Variants in ENTHD1 observed in about 807,000 individuals in gnomAD.
The protein encoded by ENTHD1 is ENTH domain-containing protein 1.
A neutral mutation model predicts 39.1 loss-of-function variants in ENTHD1; 23 were observed. The observed-to-expected ratio is 0.59, with a 90% CI of 0.42 to 0.83. The LOEUF (loss-of-function observed/expected upper bound fraction) is 0.83, where lower values mean the gene tolerates loss of function less well. ENTHD1 is among the 40% of genes least tolerant of loss of function. The pLI is 0.00. For missense variants in ENTHD1, 624 were observed against 705.4 expected (o/e 0.88, Z 1.31); for synonymous variants, 230 against 258.2 (o/e 0.89, Z 1.05).
chr22:39,832,927 A>C (rs1413504266), intron 4 of ENTHD1, among the ~76,000 whole-genome samples: 1 of 152,164 alleles, frequency 6.6e-6, no homozygotes, highest in Non-Finnish European at 1.5e-5. Context: ...TGGCCTCCAC[A>C]GCTACTGGGA....
intron 2 of ENTHD1, among the ~76,000 whole-genome samples, chr22:39,870,254 C>T (rs2066230994): frequency 6.6e-6 from 1 of 151,954 alleles, no homozygotes; most frequent in African/African-American, 2.4e-5. Context: ...AGTGATCCAC[C>T]TGCCTTGACC....
chr22:39,893,225 A>G (rs1350046812), intron 1 of ENTHD1: 2 of 152,212 alleles, frequency 1.3e-5, no homozygotes, highest in African/African-American at 4.8e-5. Flanking sequence ...CGCAACACAA[A>G]GAATAATCGC....
intron 3 of ENTHD1, among the ~76,000 whole-genome samples, chr22:39,851,374 A>C (rs1452858995): frequency 6.6e-6 from 1 of 152,160 alleles, no homozygotes; most frequent in Non-Finnish European, 1.5e-5. Flanking sequence ...ATTCAGTCCT[A>C]ATAATCTCTT....
chr22:39,879,325 T>C (rs1229196376), intron 2 of ENTHD1, among the ~76,000 whole-genome samples: 1 of 150,348 alleles, frequency 6.7e-6, no homozygotes, highest in Non-Finnish European at 1.5e-5. Context: ...TAGCTCGGTG[T>C]GGTGGTGGGT....
intron 5 of ENTHD1, 29 bp downstream of exon 5, chr22:39,820,964 G>A (rs1334283311): frequency 9.9e-6 from 16 of 1,611,906 alleles, no homozygotes; most frequent in Non-Finnish European, 1.2e-5. Context: ...AATCTGATAA[G>A]TAAACTTCCT....
At chr22:39,773,080 T>C (rs2065339509) in intron 5 of ENTHD1, among the ~76,000 whole-genome samples, 1 of 136,956 alleles carries the variant, frequency 7.3e-6, no homozygotes, top group Non-Finnish European at 1.5e-5. Context: ...GCCCAGGAAT[T>C]TGAGAACAGC....
intron 5 of ENTHD1, among the ~76,000 whole-genome samples, chr22:39,786,829 A>G (rs1182412187): frequency 6.6e-6 from 1 of 152,190 alleles, no homozygotes; most frequent in Admixed American, 6.5e-5. Context: ...ACTTAGCATA[A>G]TGTCTTCCAG....
At chr22:39,819,911 T>C (rs1205789562) in intron 5 of ENTHD1, among the ~76,000 whole-genome samples, 1 of 152,150 alleles carries the variant, frequency 6.6e-6, no homozygotes, top group Non-Finnish European at 1.5e-5. Flanking sequence ...TGTCAGGGGG[T>C]GCAGAATACA....
Position 39,824,383 on chromosome 22 carries a change from G to C in ENTHD1, c.712-3270C>G, listed in dbSNP as rs963632772. On this transcript the variant is annotated intron_variant, in intron 4 of 6. Coordinates refer to ENST00000325157, the MANE Select transcript of ENTHD1 (RefSeq NM_152512.4). ...TGCCACCACGACCAGGTAATTTTTT[G>C]TATCTTTAGTAGAGACGGGGTTTTA... 1.6e-4 allele frequency among the ~76,000 whole-genome samples: 24 copies of C among 151,484 alleles called. 1 individual carries two copies. The highest frequency in any genetic ancestry group is 1.4e-3 in the Admixed American group (22 of 15,230).
At chr22:39,805,673 T>G (rs1014059186) in intron 5 of ENTHD1, among the ~76,000 whole-genome samples, 3 of 152,152 alleles carry the variant, frequency 2.0e-5, no homozygotes, top group Non-Finnish European at 4.4e-5. Context: ...CCCAGAACTT[T>G]GAGGTCGTTC....
At chr22:39,801,021 G>C (rs995070934) in intron 5 of ENTHD1, among the ~76,000 whole-genome samples, 1 of 152,184 alleles carries the variant, frequency 6.6e-6, no homozygotes, top group African/African-American at 2.4e-5. Context: ...CTAACAGCCC[G>C]GGCAGGGGAT....
At chr22:39,756,708 A>G (rs972287917) in intron 6 of ENTHD1, among the ~76,000 whole-genome samples, 3 of 152,236 alleles carry the variant, frequency 2.0e-5, no homozygotes, top group Non-Finnish European at 4.4e-5. Flanking sequence ...TAAGTACCAC[A>G]GCAATGACTG....
intron 3 of ENTHD1, among the ~76,000 whole-genome samples, chr22:39,838,652 A>G (rs1035124845): frequency 3.9e-5 from 6 of 152,160 alleles, no homozygotes; most frequent in Non-Finnish European, 8.8e-5. Flanking sequence ...ATAAAATTAT[A>G]TTTAACAAAT....
chr22:39,756,970 T>C (rs2065190240), intron 6 of ENTHD1, among the ~76,000 whole-genome samples: 1 of 152,072 alleles, frequency 6.6e-6, no homozygotes, highest in Admixed American at 6.5e-5. Flanking sequence ...TCTAGACACT[T>C]TGTATTTCTA....
At chr22:39,798,574 G>T (rs1353900548) in intron 5 of ENTHD1, among the ~76,000 whole-genome samples, 1 of 152,182 alleles carries the variant, frequency 6.6e-6, no homozygotes, top group Non-Finnish European at 1.5e-5. Flanking sequence ...GCTGTGGCAA[G>T]CTTTTTCTCG....
chr22:39,879,718 G>A (rs976552824), intron 2 of ENTHD1, among the ~76,000 whole-genome samples: 4 of 152,098 alleles, frequency 2.6e-5, no homozygotes, highest in Admixed American at 6.6e-5. Flanking sequence ...CAGTTTGGCA[G>A]TTTCTTATAA....
At chr22:39,820,873 G>T in intron 5 of ENTHD1, 120 bp downstream of exon 5, 1 of 1,009,128 alleles carries the variant, frequency 9.9e-7, no homozygotes, top group Non-Finnish European at 1.4e-6. Flanking sequence ...CCATGTTGTG[G>T]GTTGAATTTA....
chr22:39,838,506 A>G (rs2065921895), intron 3 of ENTHD1, among the ~76,000 whole-genome samples: 2 of 152,186 alleles, frequency 1.3e-5, no homozygotes, highest in African/African-American at 4.8e-5. Flanking sequence ...AAGTTTTCTC[A>G]GCATTTATCT....
chr22:39,887,429 T>C lies in ENTHD1; in HGVS notation c.320A>G (p.Gln107Arg), dbSNP rs1471952302. The C allele has an allele frequency of 1.2e-6, 2 of 1,611,898 alleles. No individual in the cohort carries two copies. Among genetic ancestry groups the C allele is most frequent in the Admixed American group, 1.7e-5 (1 of 59,562 alleles). ...GTCTTTTCCAGCTTCATCTATGTGC[T>C]GAAAATCTTTTAGTGTTTGAAGGTT... ...FCNLQTLKDF[Q>R]HIDEAGKDQG... The change falls in exon 2 of 7, where the codon CAG (glutamine) becomes CGG (arginine). Residue 107 changes from glutamine to arginine, a missense_variant. By Grantham distance (43) the Gln-to-Arg change is conservative. Transcript: ENST00000325157.
Sources: allele counts gnomAD v4.1 joint callset (sites outside exome capture counted in the v4.1 genomes callset), GRCh38; gene constraint gnomAD v4.1.1; transcripts MANE v1.5; gene names NCBI Gene and HGNC (gene_info 2026-07-23, HGNC 2026-07-21).